Variants in POC1B observed in about 807,000 individuals in gnomAD.
POC1B encodes the protein POC1 centriolar protein B.
Under a neutral mutation model 60.6 loss-of-function variants are expected in POC1B, and 44 were observed. The observed-to-expected ratio is 0.73, with a 90% CI of 0.57 to 0.93. The LOEUF is 0.93. POC1B is among the 40% of genes least tolerant of loss of function. POC1B has a pLI of 0.00. For synonymous variants in POC1B, 180 were observed against 198.9 expected, an observed-to-expected ratio of 0.90 and a Z score of 0.80; for missense variants, 555 against 572.3, an observed-to-expected ratio of 0.97 and a Z score of 0.31.
intron 11 of POC1B, among the ~76,000 whole-genome samples, chr12:89,422,396 C>T (rs982986942): frequency 6.6e-6 from 1 of 152,204 alleles, no homozygotes; most frequent in South Asian, 2.1e-4. Flanking sequence ...CCACCCTCTC[C>T]CTCTCTTTTC....
intron 11 of POC1B, among the ~76,000 whole-genome samples, chr12:89,423,118 C>A (rs1421750748): frequency 1.3e-5 from 2 of 150,976 alleles, no homozygotes; most frequent in Admixed American, 6.6e-5. Context: ...GATCTTCCCA[C>A]CTCGGTCTCC....
In POC1B at chr12:89,420,058, T is replaced by A. The variant is rs1452245996; in HGVS notation, c.*1095A>T. On this transcript the variant is annotated 3_prime_UTR_variant, in exon 12 of 12. Transcript: ENST00000313546. ...ATGTTACCTATACACACCATAAATG[T>A]GGACACCTCCTCCCATTTTTGTTCT... The A allele has an allele frequency of 1.3e-5, 2 of 152,234 alleles. No individual in the cohort carries two copies. The highest frequency in any genetic ancestry group is 2.9e-5 in the Non-Finnish European group (2 of 68,030). The allele number at this position is 152,234 out of a possible 1,614,324, so 9.4% of individuals were successfully genotyped here.
chr12:89,444,735 A>C (rs1408577646), intron 10 of POC1B, among the ~76,000 whole-genome samples: 1 of 152,202 alleles, frequency 6.6e-6, no homozygotes, highest in Admixed American at 6.5e-5. Flanking sequence ...AATTGAACAT[A>C]GTGTTGGAAG....
chr12:89,492,897 T>C (rs1272529850), intron 3 of POC1B, among the ~76,000 whole-genome samples: 3 of 152,160 alleles, frequency 2.0e-5, no homozygotes, highest in Non-Finnish European at 4.4e-5. Context: ...CCTAGGTTAC[T>C]GCAAAAGCCT....
At chr12:89,452,706 AAAG>A (rs1418700852) in intron 10 of POC1B, among the ~76,000 whole-genome samples, 2 of 152,138 alleles carry the variant, frequency 1.3e-5, no homozygotes, top group Admixed American at 6.5e-5. Context: ...AAGGGGGGGA[AAAG>A]AAGCCTCTGG....
intron 4 of POC1B, among the ~76,000 whole-genome samples, chr12:89,487,889 A>G (rs1440368147): frequency 6.6e-6 from 1 of 151,832 alleles, no homozygotes; most frequent in East Asian, 1.9e-4. Flanking sequence ...TTACTCCCTT[A>G]TCATCTTTTG....
At chr12:89,437,256 T>C (rs576777840) in intron 10 of POC1B, among the ~76,000 whole-genome samples, 21 of 152,286 alleles carry the variant, frequency 1.4e-4, no homozygotes, top group Admixed American at 8.5e-4. Flanking sequence ...AAATTTGCTT[T>C]TGTCACTCTC....
intron 3 of POC1B, among the ~76,000 whole-genome samples, chr12:89,493,651 A>C (rs1869097947): frequency 6.6e-6 from 1 of 152,234 alleles, no homozygotes; most frequent in African/African-American, 2.4e-5. Flanking sequence ...GCCTAGAGAA[A>C]ACAAAGAAAA....
At chr12:89,525,754 G>C in intron 1 of POC1B, 127 bp downstream of exon 1, 2 of 1,338,152 alleles carry the variant, frequency 1.5e-6, no homozygotes, top group Non-Finnish European at 9.7e-7. Context: ...GGGACGAGGG[G>C]CTCAGGACCC....
At chr12:89,514,440 A>T (rs1287843269) in intron 2 of POC1B, among the ~76,000 whole-genome samples, 2 of 101,458 alleles carry the variant, frequency 2.0e-5, no homozygotes, top group Admixed American at 1.4e-4. Flanking sequence ...ACGAAGTCTT[A>T]CTCTGTCGTC....
intron 6 of POC1B, 24 bp downstream of exon 6, chr12:89,471,590 A>AT (rs1565739287): frequency 6.4e-7 from 1 of 1,561,650 alleles, no homozygotes; most frequent in East Asian, 2.3e-5. Context: ...CGGTAACTGA[A>AT]TTTTTTGTTA....
intron 2 of POC1B, chr12:89,501,237 A>G: frequency 7.7e-7 from 1 of 1,292,078 alleles, no homozygotes; most frequent in Non-Finnish European, 1.1e-6. Flanking sequence ...CCTCTGATAA[A>G]ACAGTACTGG....
intron 10 of POC1B, among the ~76,000 whole-genome samples, chr12:89,434,394 T>C (rs1881164354): frequency 1.3e-5 from 2 of 152,266 alleles, no homozygotes; most frequent in Admixed American, 1.3e-4. Context: ...TCTGTCTTTG[T>C]CTTTAATCTT....
chr12:89,522,257 C>T, intron 2 of POC1B: 1 of 398,240 alleles, frequency 2.5e-6, no homozygotes, highest in African/African-American at 2.1e-5. Context: ...CTTCCAATTA[C>T]ACATATCTCT....
At chr12:89,415,309 A>G (rs17364048), downstream of POC1B, among the ~76,000 whole-genome samples, 16,428 of 152,266 alleles carry the variant, frequency 0.11, 1,243 homozygotes, top group Non-Finnish European at 0.15. Context: ...TTGAAATCAT[A>G]CTTTTTGGAA....
At chr12:89,502,407 C>T (rs574028806) in intron 2 of POC1B, 46 of 1,499,572 alleles carry the variant, frequency 3.1e-5, no homozygotes, top group African/African-American at 1.7e-4. Flanking sequence ...CAGGAGGATT[C>T]GTGATTAGTG....
chr12:89,524,824 C>T (rs1871279653), intron 2 of POC1B: 4 of 615,614 alleles, frequency 6.5e-6, no homozygotes, highest in South Asian at 5.9e-5. Flanking sequence ...CCTCCCCGGG[C>T]CGAGGAGAAA....
At chr12:89,407,177 C>G in the POC1B span, among the ~76,000 whole-genome samples, 1 of 146,926 alleles carries the variant, frequency 6.8e-6, no homozygotes, top group Non-Finnish European at 1.5e-5. Flanking sequence ...AAAAAGGAAA[C>G]CAGAAATCTA....
In POC1B at chr12:89,525,008, C is replaced by G. The variant is rs573120625; in HGVS notation, c.100+112G>C. On this transcript the variant is annotated intron_variant, in intron 2 of 11. Coordinates refer to ENST00000313546, the MANE Select transcript of POC1B (RefSeq NM_172240.3). ...GCCCTCGTCTCCGGGTGCTCTCAAC[C>G]CTCATACAGGCCCTTAGCCGTTCTC... The G allele has an allele frequency of 1.0e-5, 15 of 1,490,482 alleles. No homozygotes were observed. The South Asian group carries it at 1.6e-4, about 16-fold the overall frequency. 92.3% of individuals were successfully genotyped at this position (1,490,482 alleles called of 1,614,324 possible).
Sources: gnomAD v4.1 joint callset for allele counts (sites outside exome capture counted in the v4.1 genomes callset) on GRCh38, gnomAD v4.1.1 for gene constraint, MANE v1.5 for transcripts, NCBI Gene and HGNC (gene_info 2026-07-23, HGNC 2026-07-21) for gene names.